The following GULP1 variants were observed in gnomAD, a reference collection of about 807,000 sequenced individuals.
GULP1 encodes GULP PTB domain containing engulfment adaptor 1.
In GULP1, 19 loss-of-function variants were observed where a neutral mutation model predicts 40.9. The ratio of observed to expected loss-of-function variants is 0.46; its 90% confidence interval spans 0.32 to 0.68. The LOEUF is 0.68. Ranked by LOEUF, GULP1 falls within the 30% of genes least tolerant of loss-of-function variation. The probability of loss-of-function intolerance (pLI) is 0.03; values close to 1 mark genes in which losing one functional copy is unlikely to be tolerated. For missense variants in GULP1, 312 were observed against 362.2 expected (o/e 0.86, Z 1.12); for synonymous variants, 119 against 117.6 (o/e 1.01, Z -0.08).
At chr2:188,364,265 G>A (rs1036917647) in intron 1 of GULP1, among the ~76,000 whole-genome samples, 3 of 152,004 alleles carry the variant, frequency 2.0e-5, no homozygotes, top group African/African-American at 7.3e-5. Context: ...GTTATGTGGA[G>A]GATCACTGAA....
chr2:188,339,600 T>C (rs181892341), intron 1 of GULP1, among the ~76,000 whole-genome samples: 24 of 152,288 alleles, frequency 1.6e-4, no homozygotes, highest in African/African-American at 5.5e-4. Flanking sequence ...ATCCTCAGCA[T>C]TTGCAAAAGA....
intron 1 of GULP1, among the ~76,000 whole-genome samples, chr2:188,381,072 G>A (rs1267033282): frequency 6.6e-6 from 1 of 152,052 alleles, no homozygotes; most frequent in Admixed American, 6.6e-5. Flanking sequence ...ATTTGAATTG[G>A]AAATCAGGAT....
chr2:188,432,926 T>G (rs944302751), intron 2 of GULP1, among the ~76,000 whole-genome samples: 1 of 152,040 alleles, frequency 6.6e-6, no homozygotes, highest in Non-Finnish European at 1.5e-5. Flanking sequence ...TGCTTTTACT[T>G]CAGAACTCTG....
intron 7 of GULP1, 73 bp downstream of exon 7, chr2:188,541,391 G>A: frequency 4.1e-6 from 5 of 1,223,720 alleles, no homozygotes; most frequent in Non-Finnish European, 6.1e-6. Flanking sequence ...TCTGGCATTG[G>A]CAAAGTATTT....
chr2:188,399,757 T>G (rs2152625213), intron 2 of GULP1, among the ~76,000 whole-genome samples: 1 of 148,030 alleles, frequency 6.8e-6, no homozygotes, highest in East Asian at 2.0e-4. Context: ...AATAAAGATT[T>G]TGCCAGTAAA....
At chr2:188,551,750 T>C (rs1421525609) in intron 7 of GULP1, among the ~76,000 whole-genome samples, 1 of 151,746 alleles carries the variant, frequency 6.6e-6, no homozygotes, top group Non-Finnish European at 1.5e-5. Flanking sequence ...GAAATCTTCA[T>C]ACTGTTTTCC....
At chr2:188,464,527 C>G (rs1216656538) in intron 2 of GULP1, among the ~76,000 whole-genome samples, 1 of 152,094 alleles carries the variant, frequency 6.6e-6, no homozygotes, top group African/African-American at 2.4e-5. Flanking sequence ...TATTTTTGCT[C>G]AAAACTCTGA....
chr2:188,308,840 C>T (rs1464896064), intron 1 of GULP1, among the ~76,000 whole-genome samples: 1 of 152,068 alleles, frequency 6.6e-6, no homozygotes, highest in Non-Finnish European at 1.5e-5. Flanking sequence ...GATAATGGCC[C>T]GAACCTTGTA....
intron 2 of GULP1, among the ~76,000 whole-genome samples, chr2:188,419,160 A>C (rs1047208799): frequency 6.6e-6 from 1 of 152,206 alleles, no homozygotes. Flanking sequence ...GTTGCACTGT[A>C]CATAGGCATG....
intron 2 of GULP1, among the ~76,000 whole-genome samples, chr2:188,407,948 A>G (rs2053345598): frequency 1.3e-5 from 2 of 152,228 alleles, no homozygotes; most frequent in African/African-American, 4.8e-5. Context: ...AAAGGATGCA[A>G]AAAGAAATTC....
At chr2:188,386,983 A>ATCC (rs1162635575) in intron 2 of GULP1, among the ~76,000 whole-genome samples, 1 of 152,164 alleles carries the variant, frequency 6.6e-6, no homozygotes, top group Non-Finnish European at 1.5e-5. Context: ...CATGCCTGTA[A>ATCC]TCCTGCACTT....
chr2:188,494,172 T>C (rs2062678568), intron 4 of GULP1, among the ~76,000 whole-genome samples: 1 of 152,010 alleles, frequency 6.6e-6, no homozygotes, highest in Non-Finnish European at 1.5e-5. Context: ...GGAGAAAGGA[T>C]GTTATAGATA....
Position 188,477,743 on chromosome 2 carries a change from AT to A in GULP1, c.28+19del. 1 of 1,591,706 alleles carries A rather than the reference AT, an allele frequency of 6.3e-7. No homozygotes were observed. Among genetic ancestry groups the A allele is most frequent in the Non-Finnish European group, 8.6e-7 (1 of 1,168,324 alleles). On this transcript the variant is annotated intron_variant, in intron 3 of 11. Transcript: ENST00000409830. ...AGCAGGAAGAAAGGTAAGTGTGGTC[AT>A]TTTTTAAAACTTGGGAGTCAAGCCA...
In GULP1 at chr2:188,376,083, T is replaced by C. The variant is rs191905078; in HGVS notation, c.-171-7680T>C. 1.1e-4 allele frequency among the ~76,000 whole-genome samples: 16 copies of C among 152,216 alleles called. No homozygotes were observed. In the East Asian group the frequency reaches 2.7e-3, roughly 26 times the overall value. On this transcript the variant is annotated intron_variant, in intron 1 of 11. Transcript: ENST00000409830. ...CCCTGTGGGTATGGAGGGCCAAGTG[T>C]ATTTATTAAAAAAAAAATCTACCTG...
chr2:188,419,923 A>G (rs2055143950), intron 2 of GULP1, among the ~76,000 whole-genome samples: 1 of 152,134 alleles, frequency 6.6e-6, no homozygotes, highest in Non-Finnish European at 1.5e-5. Context: ...GCATGTGGCT[A>G]TCCAGTTTTC....
chr2:188,359,379 T>C (rs1219598486), intron 1 of GULP1, among the ~76,000 whole-genome samples: 1 of 152,160 alleles, frequency 6.6e-6, no homozygotes, highest in African/African-American at 2.4e-5. Context: ...GCTGTGATTG[T>C]ATTTTACAGT....
At chr2:188,554,222 A>C (rs1694202174) in intron 7 of GULP1, among the ~76,000 whole-genome samples, 1 of 151,698 alleles carries the variant, frequency 6.6e-6, no homozygotes, top group African/African-American at 2.4e-5. Context: ...TAGTTCCTTA[A>C]GGTATATTGT....
At chr2:188,483,948 A>G (rs1234493811) in intron 4 of GULP1, among the ~76,000 whole-genome samples, 3 of 152,128 alleles carry the variant, frequency 2.0e-5, no homozygotes, top group Non-Finnish European at 4.4e-5. Context: ...TATTGAGATG[A>G]AGATGTGCTC....
At chr2:188,378,236 G>C (rs779627875) in intron 1 of GULP1, among the ~76,000 whole-genome samples, 1 of 147,318 alleles carries the variant, frequency 6.8e-6, no homozygotes, top group Non-Finnish European at 1.5e-5. Flanking sequence ...TAGTCACTAC[G>C]CTACTTTGCT....
Sources: allele counts gnomAD v4.1 joint callset (sites outside exome capture counted in the v4.1 genomes callset), GRCh38; gene constraint gnomAD v4.1.1; transcripts MANE v1.5; gene names NCBI Gene and HGNC (gene_info 2026-07-23, HGNC 2026-07-21).